GOLGA2: variants seen among roughly 807,000 people sequenced by gnomAD.
GOLGA2 encodes the protein golgin A2, also known as golgin subfamily A member 2.
Under a neutral mutation model 148.8 loss-of-function variants are expected in GOLGA2, and 49 were observed. That is an observed-to-expected ratio of 0.33 (90% CI 0.26 to 0.42). GOLGA2 has a LOEUF of 0.42. GOLGA2 is among the 10% of genes least tolerant of loss of function. The pLI, the probability that GOLGA2 is intolerant of heterozygous loss-of-function variation, is 1.00. For synonymous variants in GOLGA2, 501 were observed against 511.8 expected, an observed-to-expected ratio of 0.98 and a Z score of 0.28; for missense variants, 1,178 against 1,304.6, an observed-to-expected ratio of 0.90 and a Z score of 1.49.
In GOLGA2 at chr9:128,260,582, C is replaced by CGCCTCCGCCT; in HGVS notation, c.1631_1640dup (p.Arg548GlyfsTer34). ...GCATGGTCTCCAGGATTTGCCTGCG[C>CGCCTCCGCCT]GCCTCCGCCTGCTCCCCCCAGAGCT... On this transcript the variant is annotated frameshift_variant, in exon 18 of 27. Coordinates refer to ENST00000611957, the MANE Select transcript of GOLGA2 (RefSeq NM_001366244.2). LOFTEE classifies it high-confidence loss of function. The surrounding 1 kb of genome is among the most constrained non-coding windows in gnomAD (Gnocchi z 4.8). 6.2e-7 allele frequency: 1 copy of CGCCTCCGCCT among 1,611,824 alleles called. No individual in the cohort carries two copies. Among genetic ancestry groups the CGCCTCCGCCT allele is most frequent in the South Asian group, 1.1e-5 (1 of 91,084 alleles).
Position 128,257,554 on chromosome 9 carries a change from C to T in GOLGA2, c.2719-29G>A, listed in dbSNP as rs1366722975. 1 of 1,614,022 alleles carries T rather than the reference C, an allele frequency of 6.2e-7. No individual in the cohort carries two copies. Among genetic ancestry groups the T allele is most frequent in the Admixed American group, 1.7e-5 (1 of 60,024 alleles). Reference sequence around the variant, plus strand: ...GAGGGAGGGGTGCTAAGCTGCCATGCCCATGCCCGTGCCCACCTCCACCCC... The same window carrying T: ...GAGGGAGGGGTGCTAAGCTGCCATGTCCATGCCCGTGCCCACCTCCACCCC... On this transcript the variant is annotated intron_variant, in intron 25 of 26. Transcript: ENST00000611957. The surrounding 1 kb of genome is among the most constrained non-coding windows in gnomAD (Gnocchi z 8.0).
rs200066428 is a variant in GOLGA2, at chr9:128,257,753, T to A, written c.2611+37A>T. ...GATGCTGGGTTCCCTCCGACCGCTG[T>A]GCAGCTCCTCCTGCCGTGCCCTGGC... is the stretch of plus-strand genomic sequence containing the variant. On this transcript the variant is annotated intron_variant, in intron 24 of 26. Coordinates refer to ENST00000611957, the MANE Select transcript of GOLGA2 (RefSeq NM_001366244.2). This position sits in a 1 kb window ranked among gnomAD's most constrained non-coding sequence, Gnocchi z 8.0. The A allele has an allele frequency of 3.2e-5, 52 of 1,609,590 alleles. No individual in the cohort carries two copies. The African/African-American group carries it at 6.7e-4, about 21-fold the overall frequency.
At position 128,258,832 on chromosome 9, in the gene GOLGA2, G is replaced by T; in HGVS notation, c.2173+175C>A. 1.6e-6 allele frequency: 1 copy of T among 631,334 alleles called. No homozygotes were observed. The highest frequency in any genetic ancestry group is 2.8e-6 in the Non-Finnish European group (1 of 359,076). 39.1% of individuals were successfully genotyped at this position (631,334 alleles called of 1,614,324 possible). ...CAGTTCACCCATCCTTAGGTAAGCTGGTAGTGCCCTGCTCCCAGGAAGTCA... is the reference window on the plus strand; with the variant it reads ...CAGTTCACCCATCCTTAGGTAAGCTTGTAGTGCCCTGCTCCCAGGAAGTCA... On this transcript the variant is annotated intron_variant, in intron 21 of 26. Coordinates refer to ENST00000611957, the MANE Select transcript of GOLGA2 (RefSeq NM_001366244.2). This position sits in a 1 kb window ranked among gnomAD's most constrained non-coding sequence, Gnocchi z 6.6.
chr9:128,261,155 C>T lies in GOLGA2; in HGVS notation c.1420+17G>A. 3.2e-6 allele frequency: 5 copies of T among 1,574,472 alleles called. No individual in the cohort carries two copies. Among genetic ancestry groups the T allele is most frequent in the Non-Finnish European group, 3.5e-6 (4 of 1,143,964 alleles). Reference sequence around the variant, plus strand: ...TGACACCATTCCTGCTCCCAGGTCACCCCAGCCCCAGCTTACCCATCTGGT... The same window carrying T: ...TGACACCATTCCTGCTCCCAGGTCATCCCAGCCCCAGCTTACCCATCTGGT... On this transcript the variant is annotated intron_variant, in intron 17 of 26. Transcript: ENST00000611957. This position sits in a 1 kb window ranked among gnomAD's most constrained non-coding sequence, Gnocchi z 5.7.
Position 128,272,850 on chromosome 9 carries a change from T to C in GOLGA2, c.223A>G (p.Lys75Glu), listed in dbSNP as rs1831045147. The change falls in exon 3 of 27, where the codon AAG (lysine) becomes GAG (glutamate). Residue 75 changes from lysine to glutamate, a missense_variant. By Grantham distance (56) the Lys-to-Glu change is moderately conservative. Transcript: ENST00000611957. Reference sequence around the variant, plus strand: ...CGGTTAAGGTCGGACACCAGCACCTTCAGAATGTCCTGAATCTACAGGAGG... The same window carrying C: ...CGGTTAAGGTCGGACACCAGCACCTCCAGAATGTCCTGAATCTACAGGAGG... ...HSPEDIQDILKVLVSDLNRSN... is the reference protein window; with the variant it reads ...HSPEDIQDILEVLVSDLNRSN... The C allele has an allele frequency of 7.8e-7, 1 of 1,277,106 alleles. No homozygotes were observed. The highest frequency in any genetic ancestry group is 1.5e-5 in the African/African-American group (1 of 65,470). The allele number at this position is 1,277,106 out of a possible 1,614,324, so 79.1% of individuals were successfully genotyped here.
Position 128,275,897 on chromosome 9 carries a change from T to G in GOLGA2, c.80A>C (p.Lys27Thr). ...TRQSKLAAAK[K>T]KLREYQQRNS... ...CCGCGACCCGGTGCACTTTACCTTT[T>G]TCTTCGCTGCGGCCAATTTGCTCTG... The change falls in exon 1 of 27, where the codon AAA becomes ACA. Residue 27 changes from lysine (K) to threonine (T), a missense_variant. Around this residue, in one of 5 missense-constraint regions of GOLGA2, gnomAD observed 158 missense variants for 156.6 expected, o/e 1.01. Transcript: ENST00000611957. The G allele has an allele frequency of 6.4e-7, 1 of 1,561,240 alleles. No individual in the cohort carries two copies. The highest frequency in any genetic ancestry group is 1.1e-5 in the South Asian group (1 of 86,958).
intron 6 of GOLGA2, 75 bp downstream of exon 6, chr9:128,267,859 T>C (rs1348224325): frequency 1.3e-5 from 16 of 1,200,804 alleles, no homozygotes; most frequent in East Asian, 7.1e-5. Context: ...TCCCTCTCTC[T>C]TGTGAATCCC....
chr9:128,264,222 T>C (rs1383442825), intron 12 of GOLGA2, among the ~76,000 whole-genome samples: 1 of 150,730 alleles, frequency 6.6e-6, no homozygotes, highest in Non-Finnish European at 1.5e-5. Flanking sequence ...AATTTATGTA[T>C]GTACGTATGT....
At position 128,275,970 on chromosome 9, in the gene GOLGA2, G is replaced by A. The variant is rs368222679; in HGVS notation, c.7C>T (p.Pro3Ser). 7 of 1,597,628 alleles carry A rather than the reference G, an allele frequency of 4.4e-6. No homozygotes were observed. In the African/African-American group the frequency reaches 6.7e-5, roughly 15 times the overall value. The change falls in exon 1 of 27, where the codon CCC becomes TCC. Residue 3 changes from proline (P) to serine (S), a missense_variant. Physicochemically the swap from Pro to Ser is moderately conservative, Grantham distance 74. Around this residue, in one of 5 missense-constraint regions of GOLGA2, gnomAD observed 158 missense variants for 156.6 expected, o/e 1.01. Coordinates refer to ENST00000611957, the MANE Select transcript of GOLGA2 (RefSeq NM_001366244.2). Reference sequence around the variant, plus strand: ...GGGCGGGGAGGGAGGCGGGGTTGGGGCCACATCAGCGCGATCCCGGCAACC... The same window carrying A: ...GGGCGGGGAGGGAGGCGGGGTTGGGACCACATCAGCGCGATCCCGGCAACC... Reference protein sequence around the residue: MWPQPRLPPRPAM... With the variant: MWSQPRLPPRPAM...
intron 12 of GOLGA2, among the ~76,000 whole-genome samples, chr9:128,265,308 C>A (rs539321252): frequency 2.6e-5 from 4 of 152,338 alleles, no homozygotes; most frequent in Non-Finnish European, 5.9e-5. Context: ...TATTCCCCCA[C>A]CTAGGACTTG....
intron 6 of GOLGA2, 108 bp downstream of exon 6, chr9:128,267,826 C>G (rs1277090557): frequency 1.1e-6 from 1 of 896,228 alleles, no homozygotes; most frequent in Non-Finnish European, 1.8e-6. Flanking sequence ...CATTGCCCAG[C>G]ACATTGGCTG....
chr9:128,257,986 C>A lies in GOLGA2; in HGVS notation c.2502G>T (p.Lys834Asn), dbSNP rs1472025834. The A allele has an allele frequency of 6.2e-7, 1 of 1,607,304 alleles. No individual in the cohort carries two copies. Among genetic ancestry groups the A allele is most frequent in the Non-Finnish European group, 8.5e-7 (1 of 1,175,674 alleles). The change falls in exon 23 of 27, where the codon AAG becomes AAT. Residue 834 changes from lysine (K) to asparagine (N), a missense_variant. Around this residue, in one of 5 missense-constraint regions of GOLGA2, gnomAD observed 529 missense variants for 521.8 expected, o/e 1.01. Transcript: ENST00000611957. The surrounding 1 kb of genome is among the most constrained non-coding windows in gnomAD (Gnocchi z 8.0). ...THRALQGAME[K>N]LQSRFMELMQ... Reference sequence around the variant, plus strand: ...CCAGGAGAGACTCATTCACCTGCAGCTTCTCCATGGCCCCCTGCAGGGCCC... The same window carrying A: ...CCAGGAGAGACTCATTCACCTGCAGATTCTCCATGGCCCCCTGCAGGGCCC...
Position 128,262,549 on chromosome 9 carries a change from C to A in GOLGA2, c.1134+14G>T. 1 of 1,612,390 alleles carries A rather than the reference C, an allele frequency of 6.2e-7. No homozygotes were observed. Among genetic ancestry groups the A allele is most frequent in the Non-Finnish European group, 8.5e-7 (1 of 1,178,882 alleles). On this transcript the variant is annotated intron_variant, in intron 14 of 26. Coordinates refer to ENST00000611957, the MANE Select transcript of GOLGA2 (RefSeq NM_001366244.2). ...GATGGCGCTCCCACCACCCATGGGGCTGCAGCCTCTTGCCTGTTGAAGCAG... is the reference window on the plus strand; with the variant it reads ...GATGGCGCTCCCACCACCCATGGGGATGCAGCCTCTTGCCTGTTGAAGCAG...
Position 128,257,590 on chromosome 9 carries a change from C to A in GOLGA2, c.2718+11G>T, listed in dbSNP as rs529583250. On this transcript the variant is annotated intron_variant, in intron 25 of 26. Transcript: ENST00000611957. This position sits in a 1 kb window ranked among gnomAD's most constrained non-coding sequence, Gnocchi z 8.0. ...GCCCACCTCCACCCCCAGAGATGTT[C>A]CACACCCTACCTTCATCTCCTCCTT... 42 of 1,614,010 alleles carry A rather than the reference C, an allele frequency of 2.6e-5. No individual in the cohort carries two copies. The Middle Eastern group carries it at 6.6e-4, about 25-fold the overall frequency.
chr9:128,274,056 CTT>C, intron 1 of GOLGA2, 84 bp from the exon 2 acceptor site: 3 of 1,301,410 alleles, frequency 2.3e-6, no homozygotes, highest in Non-Finnish European at 3.3e-6. Context: ...CCAAAATACT[CTT>C]ATATACCATC....
chr9:128,266,790 T>C lies in GOLGA2; in HGVS notation c.642+404A>G, dbSNP rs977196587. On this transcript the variant is annotated intron_variant, in intron 8 of 26. Coordinates refer to ENST00000611957, the MANE Select transcript of GOLGA2 (RefSeq NM_001366244.2). This position sits in a 1 kb window ranked among gnomAD's most constrained non-coding sequence, Gnocchi z 4.2. ...TTGGACTCTCAGAGCTAAGAGACCT[T>C]TGATACTCTCTAACTCTACCTCCTC... The C allele has an allele frequency of 2.8e-6, 1 of 356,146 alleles. No homozygotes were observed. Among genetic ancestry groups the C allele is most frequent in the Non-Finnish European group, 5.2e-6 (1 of 193,416 alleles). 22.1% of individuals were successfully genotyped at this position (356,146 alleles called of 1,614,324 possible). A position where few individuals can be genotyped will look rare whatever the true frequency, so the allele number is the denominator to read the frequency against.
Position 128,258,409 on chromosome 9 carries a change from C to T in GOLGA2, c.2289+46G>A. 1 of 1,516,598 alleles carries T rather than the reference C, an allele frequency of 6.6e-7. No homozygotes were observed. The highest frequency in any genetic ancestry group is 9.2e-7 in the Non-Finnish European group (1 of 1,092,554). The allele number at this position is 1,516,598 out of a possible 1,614,324, so 93.9% of individuals were successfully genotyped here. On this transcript the variant is annotated intron_variant, in intron 22 of 26. Transcript: ENST00000611957. This position sits in a 1 kb window ranked among gnomAD's most constrained non-coding sequence, Gnocchi z 6.6. ...AGAGCAGAAGGGGGTCTGGGAGGGACCACAGAGGGAGGCAGCAAAGGTTGG... is the reference window on the plus strand; with the variant it reads ...AGAGCAGAAGGGGGTCTGGGAGGGATCACAGAGGGAGGCAGCAAAGGTTGG...
In GOLGA2 at chr9:128,261,615, C is replaced by A; in HGVS notation, c.1224+53G>T. Reference sequence around the variant, plus strand: ...GGACTGTCACTGGTTGTCACCTACTCCTGGCCACCTGGGGTCATCTTCCTT... The same window carrying A: ...GGACTGTCACTGGTTGTCACCTACTACTGGCCACCTGGGGTCATCTTCCTT... On this transcript the variant is annotated intron_variant, in intron 15 of 26. Transcript: ENST00000611957. This position sits in a 1 kb window ranked among gnomAD's most constrained non-coding sequence, Gnocchi z 5.7. 3.3e-6 allele frequency: 5 copies of A among 1,515,124 alleles called. No individual in the cohort carries two copies. The Admixed American group carries it at 8.3e-5, about 25-fold the overall frequency. 93.9% of individuals were successfully genotyped at this position (1,515,124 alleles called of 1,614,324 possible).
rs763485332 is a variant in GOLGA2, at chr9:128,260,616, C to G, written c.1607G>C (p.Arg536Pro). The G allele has an allele frequency of 3.7e-6, 6 of 1,611,226 alleles. No individual in the cohort carries two copies. Among genetic ancestry groups the G allele is most frequent in the Non-Finnish European group, 4.2e-6 (5 of 1,179,974 alleles). Residue 536 changes from arginine (R) to proline (P), a missense_variant, in exon 18 of 27, where the codon CGG becomes CCG. By Grantham distance (103) the Arg-to-Pro change is moderately radical (BLOSUM62 -2). Coordinates refer to ENST00000611957, the MANE Select transcript of GOLGA2 (RefSeq NM_001366244.2). This position sits in a 1 kb window ranked among gnomAD's most constrained non-coding sequence, Gnocchi z 4.8. The part of the protein sequence containing the change: ...EQEERLLELE[R>P]AAELWGEQAE... ...CTGCTCCCCCCAGAGCTCGGCCGCC[C>G]GCTCCAGCTCCAGCAGCCTCTCCTC...
Sources: gnomAD v4.1 joint callset for allele counts (sites outside exome capture counted in the v4.1 genomes callset) on GRCh38, gnomAD v4.1.1 for gene constraint, gnomAD v4.1.1 regional missense constraint, Gnocchi (gnomAD v3.1) non-coding constraint, MANE v1.5 for transcripts, NCBI Gene and HGNC (gene_info 2026-07-23, HGNC 2026-07-21) for gene names.